Variants in CSMD1 observed in about 807,000 individuals in gnomAD.
The protein encoded by CSMD1 is CUB and sushi domain-containing protein 1.
Under a neutral mutation model 417.5 loss-of-function variants are expected in CSMD1, and 213 were observed. The ratio of observed to expected loss-of-function variants is 0.51; its 90% CI spans 0.46 to 0.57. CSMD1 has a LOEUF of 0.57. Ranked by LOEUF, CSMD1 falls within the 20% of genes least tolerant of loss-of-function variation. CSMD1 has a pLI of 0.00. For missense variants in CSMD1, 6,923 were observed against 4,529.7 expected (o/e 1.53, Z -15.17); for synonymous variants, 2,862 against 1,736.8 (o/e 1.65, Z -16.11).
At chr8:3,407,152 TGGATGGACAGATGGAA>T (rs1340821677) in intron 14 of CSMD1, among the ~76,000 whole-genome samples, 3 of 140,348 alleles carry the variant, frequency 2.1e-5, no homozygotes, top group African/African-American at 8.2e-5. Context: ...CATGCATGGA[TGGATGGACAGATGGAA>T]GGATGGATAA....
At chr8:3,835,875 G>A (rs927372399) in intron 5 of CSMD1, among the ~76,000 whole-genome samples, 2 of 151,870 alleles carry the variant, frequency 1.3e-5, no homozygotes, top group Non-Finnish European at 2.9e-5. Flanking sequence ...TGTACCATTC[G>A]TTTTTTCCAT....
In CSMD1 at chr8:4,650,752, G is replaced by C. The variant is rs527698271; in HGVS notation, c.86-13194C>G. On this transcript the variant is annotated intron_variant, in intron 1 of 69. Transcript: ENST00000635120. ...TTTGAGAGCAGAAAATATGTATTTTGCCTATTTAAGCATGGTTATTCAGTT... is the reference window on the plus strand; with the variant it reads ...TTTGAGAGCAGAAAATATGTATTTTCCCTATTTAAGCATGGTTATTCAGTT... Among the ~76,000 whole-genome samples the C allele has an allele frequency of 6.8e-4, 103 of 151,408 alleles. 1 individual carries two copies. Among genetic ancestry groups the C allele is most frequent in the African/African-American group, 2.4e-3 (100 of 41,368 alleles).
intron 8 of CSMD1, among the ~76,000 whole-genome samples, chr8:3,606,222 C>G (rs2449165): frequency 0.72 from 110,184 of 152,032 alleles, 40,549 homozygotes; most frequent in Non-Finnish European, 0.79. Context: ...TCTTTTAAGG[C>G]CAGGATGCAG....
intron 50 of CSMD1, among the ~76,000 whole-genome samples, chr8:3,036,890 T>C (rs1445759246): frequency 1.3e-5 from 2 of 151,988 alleles, no homozygotes; most frequent in Non-Finnish European, 2.9e-5. Context: ...TATCTAGGGG[T>C]GATTTCTGGG....
At chr8:3,708,809 A>C (rs1322684732) in intron 6 of CSMD1, among the ~76,000 whole-genome samples, 2 of 152,176 alleles carry the variant, frequency 1.3e-5, no homozygotes, top group East Asian at 3.9e-4. Context: ...TCATTCCCCA[A>C]ATTGTTCAGG....
intron 3 of CSMD1, among the ~76,000 whole-genome samples, chr8:4,358,238 G>A (rs956098552): frequency 1.3e-5 from 2 of 152,336 alleles, no homozygotes; most frequent in Middle Eastern, 3.4e-3. Flanking sequence ...GAATGTCACT[G>A]TGGGGCTTGT....
At chr8:4,753,182 G>T (rs1362701464) in intron 1 of CSMD1, among the ~76,000 whole-genome samples, 1 of 152,012 alleles carries the variant, frequency 6.6e-6, no homozygotes, top group East Asian at 1.9e-4. Flanking sequence ...AGGAGGCAAT[G>T]GAGACAGGAG....
At chr8:3,636,206 G>T (rs1432409042) in intron 7 of CSMD1, among the ~76,000 whole-genome samples, 1 of 152,164 alleles carries the variant, frequency 6.6e-6, no homozygotes. Flanking sequence ...CCCATTGGAA[G>T]GTCTTCAGGA....
chr8:4,818,282 T>C (rs1405702573), intron 1 of CSMD1, among the ~76,000 whole-genome samples: 2 of 152,174 alleles, frequency 1.3e-5, no homozygotes, highest in African/African-American at 4.8e-5. Context: ...CCCGATTTAG[T>C]CTAGAAAAGC....
At chr8:4,738,946 A>T (rs1268176728) in intron 1 of CSMD1, among the ~76,000 whole-genome samples, 1 of 124,330 alleles carries the variant, frequency 8.0e-6, no homozygotes, top group East Asian at 2.1e-4. Flanking sequence ...CAATGTCCAA[A>T]ATTTTGAAGG....
chr8:4,169,034 G>C (rs1400536605), intron 3 of CSMD1, among the ~76,000 whole-genome samples: 3 of 152,040 alleles, frequency 2.0e-5, no homozygotes, highest in Non-Finnish European at 4.4e-5. Context: ...CCAGTTGCTG[G>C]TTTCTTCTTT....
intron 5 of CSMD1, among the ~76,000 whole-genome samples, chr8:3,891,357 G>C (rs1026682903): frequency 2.0e-5 from 3 of 151,992 alleles, no homozygotes; most frequent in African/African-American, 4.8e-5. Context: ...TCCTGAGCAG[G>C]TTCTTGAAAT....
At chr8:4,431,404 TTAGA>T (rs1797865612) in intron 2 of CSMD1, among the ~76,000 whole-genome samples, 1 of 151,926 alleles carries the variant, frequency 6.6e-6, no homozygotes, top group African/African-American at 2.4e-5. Context: ...ACGCACAAAC[TTAGA>T]TTGAAGGAGG....
At chr8:3,252,162 A>T (rs1800322514) in intron 26 of CSMD1, among the ~76,000 whole-genome samples, 1 of 152,188 alleles carries the variant, frequency 6.6e-6, no homozygotes, top group African/African-American at 2.4e-5. Context: ...GAATGCTTCC[A>T]GTTTTTGCCC....
chr8:3,709,680 GTTTTTTT>G (rs56272726), intron 6 of CSMD1, among the ~76,000 whole-genome samples: 67 of 33,700 alleles, frequency 2.0e-3, no homozygotes, highest in East Asian at 3.0e-3. Context: ...GCAGCAGCAT[GTTTTTTT>G]TTTTTTTTTT....
intron 6 of CSMD1, among the ~76,000 whole-genome samples, chr8:3,715,335 G>A (rs1383898002): frequency 6.6e-6 from 1 of 152,114 alleles, no homozygotes; most frequent in Non-Finnish European, 1.5e-5. Flanking sequence ...TACTGTGGTT[G>A]TTTTCCTGAA....
chr8:3,331,168 G>A (rs1027068387), intron 23 of CSMD1, among the ~76,000 whole-genome samples: 7 of 150,958 alleles, frequency 4.6e-5, no homozygotes, highest in Non-Finnish European at 8.8e-5. Flanking sequence ...AACCCGGGAG[G>A]TGGAGCTTGC....
intron 20 of CSMD1, among the ~76,000 whole-genome samples, chr8:3,360,447 T>A (rs80164835): frequency 6.6e-6 from 1 of 152,126 alleles, no homozygotes; most frequent in Non-Finnish European, 1.5e-5. Flanking sequence ...CAGTGGGAAG[T>A]GAGAAAGTGT....
intron 5 of CSMD1, among the ~76,000 whole-genome samples, chr8:3,937,447 G>A (rs1358097699): frequency 6.6e-6 from 1 of 152,098 alleles, no homozygotes; most frequent in African/African-American, 2.4e-5. Flanking sequence ...CCTGATCACT[G>A]ATCATCCATC....
Sources: allele counts gnomAD v4.1 joint callset (sites outside exome capture counted in the v4.1 genomes callset), GRCh38; gene constraint gnomAD v4.1.1; transcripts MANE v1.5; gene names NCBI Gene and HGNC (gene_info 2026-07-23, HGNC 2026-07-21).